The following GPC6 variants were observed in gnomAD, a reference collection of about 807,000 sequenced individuals.
GPC6 encodes glypican 6, also known as glypican-6.
A neutral mutation model predicts 55.2 loss-of-function variants in GPC6; 14 were observed. The observed-to-expected ratio is 0.25, with a 90% CI of 0.17 to 0.40. The LOEUF (loss-of-function observed/expected upper bound fraction) is 0.40, where lower values mean the gene tolerates loss of function less well. GPC6 is among the 10% of genes least tolerant of loss of function. The pLI, the probability that GPC6 is intolerant of heterozygous loss-of-function variation, is 1.00. For synonymous variants in GPC6, 278 were observed against 259.6 expected, an observed-to-expected ratio of 1.07 and a Z score of -0.68; for missense variants, 641 against 708.5, an observed-to-expected ratio of 0.90 and a Z score of 1.08.
At chr13:93,220,638 A>C in the GPC6 span, among the ~76,000 whole-genome samples, 1 of 152,192 alleles carries the variant, frequency 6.6e-6, no homozygotes, top group South Asian at 2.1e-4. Flanking sequence ...AGTCAAAATG[A>C]AACTCTTCCT....
chr13:94,130,034 G>A (rs1354114220), intron 4 of GPC6, among the ~76,000 whole-genome samples: 6 of 151,966 alleles, frequency 3.9e-5, no homozygotes, highest in African/African-American at 7.2e-5. Flanking sequence ...GTTCTGTTTC[G>A]TGATGGAATC....
intron 2 of GPC6, among the ~76,000 whole-genome samples, chr13:93,819,078 TA>T (rs1886957556): frequency 6.6e-6 from 1 of 152,172 alleles, no homozygotes; most frequent in South Asian, 2.1e-4. Flanking sequence ...TAAAGATTTT[TA>T]AAAGTGATTT....
intron 3 of GPC6, among the ~76,000 whole-genome samples, chr13:94,021,744 C>G (rs1005583803): frequency 1.3e-5 from 2 of 151,940 alleles, no homozygotes; most frequent in Middle Eastern, 3.2e-3. Context: ...GACTAGTAAA[C>G]TGTAATATCA....
chr13:93,311,731 A>T (rs1242431535), intron 1 of GPC6, among the ~76,000 whole-genome samples: 2 of 152,196 alleles, frequency 1.3e-5, no homozygotes, highest in Non-Finnish European at 1.5e-5. Context: ...ATGCAGTGCC[A>T]GTTTTCTGTC....
intron 4 of GPC6, among the ~76,000 whole-genome samples, chr13:94,181,048 G>A (rs964043273): frequency 2.0e-5 from 3 of 152,164 alleles, no homozygotes; most frequent in African/African-American, 7.2e-5. Context: ...AACAAAACCT[G>A]CAGTTTGGCA....
intron 1 of GPC6, among the ~76,000 whole-genome samples, chr13:93,348,390 A>G (rs1220472238): frequency 6.6e-6 from 1 of 152,354 alleles, no homozygotes; most frequent in East Asian, 1.9e-4. Context: ...TTGCAATTAC[A>G]TAATCATTGT....
At chr13:94,029,902 A>T (rs1293772414) in intron 4 of GPC6, among the ~76,000 whole-genome samples, 1 of 152,218 alleles carries the variant, frequency 6.6e-6, no homozygotes, top group Non-Finnish European at 1.5e-5. Context: ...CTGGATTCAA[A>T]ACTAAAATTT....
At chr13:94,116,102 T>C (rs558850571) in intron 4 of GPC6, among the ~76,000 whole-genome samples, 1 of 152,242 alleles carries the variant, frequency 6.6e-6, no homozygotes, top group Admixed American at 6.5e-5. Context: ...AATTTAGTTA[T>C]AATTTAGTAA....
chr13:93,453,456 A>T (rs1485838550), intron 1 of GPC6, among the ~76,000 whole-genome samples: 2 of 151,752 alleles, frequency 1.3e-5, no homozygotes, highest in Non-Finnish European at 2.9e-5. Context: ...GTTTATGTAA[A>T]TCTCATAAGT....
intron 2 of GPC6, among the ~76,000 whole-genome samples, chr13:93,729,715 G>A (rs1218906519): frequency 6.6e-6 from 1 of 152,104 alleles, no homozygotes; most frequent in East Asian, 1.9e-4. Flanking sequence ...CCTAGTTCTA[G>A]ATATATACTC....
chr13:94,082,389 C>A (rs1885132386), intron 4 of GPC6, among the ~76,000 whole-genome samples: 1 of 152,150 alleles, frequency 6.6e-6, no homozygotes, highest in Middle Eastern at 3.2e-3. Context: ...TGTTTTCAAT[C>A]CAAACTTATT....
At chr13:93,737,710 C>T (rs1034273725) in intron 2 of GPC6, among the ~76,000 whole-genome samples, 1 of 151,908 alleles carries the variant, frequency 6.6e-6, no homozygotes, top group African/African-American at 2.4e-5. Flanking sequence ...AGTAGGTGAA[C>T]AAATATAATT....
chr13:93,593,757 A>C (rs1357239146), intron 2 of GPC6, among the ~76,000 whole-genome samples: 2 of 152,188 alleles, frequency 1.3e-5, no homozygotes, highest in Non-Finnish European at 2.9e-5. Context: ...GCCATGTTAA[A>C]AATATCAAAA....
intron 1 of GPC6, among the ~76,000 whole-genome samples, chr13:93,273,799 T>C (rs1877631947): frequency 6.6e-6 from 1 of 152,086 alleles, no homozygotes; most frequent in South Asian, 2.1e-4. Context: ...TTTTTATTTT[T>C]TATTTTTTTA....
At chr13:93,539,831 A>C (rs545487250) in intron 1 of GPC6, among the ~76,000 whole-genome samples, 1 of 151,916 alleles carries the variant, frequency 6.6e-6, no homozygotes, top group East Asian at 2.0e-4. Context: ...AGCTGGGATT[A>C]CAAGCATGCG....
intron 1 of GPC6, among the ~76,000 whole-genome samples, chr13:93,434,231 G>A (rs1424345314): frequency 1.3e-5 from 2 of 152,146 alleles, no homozygotes; most frequent in Non-Finnish European, 2.9e-5. Flanking sequence ...CAGATCAATA[G>A]AAATGCCACA....
At chr13:93,412,019 T>C (rs1876518550) in intron 1 of GPC6, among the ~76,000 whole-genome samples, 1 of 150,250 alleles carries the variant, frequency 6.7e-6, no homozygotes, top group East Asian at 2.0e-4. Context: ...AAAAAATAAA[T>C]AAAATAAAAA....
intron 3 of GPC6, among the ~76,000 whole-genome samples, chr13:93,933,061 G>A (rs1878264832): frequency 7.3e-6 from 1 of 136,650 alleles, no homozygotes; most frequent in Admixed American, 8.1e-5. Context: ...TACAATCCTT[G>A]ACTCATGGCC....
chr13:94,097,506 C>CAAAAAAAA (rs869307863), intron 4 of GPC6, among the ~76,000 whole-genome samples: 9 of 70,256 alleles, frequency 1.3e-4, no homozygotes, highest in African/African-American at 4.3e-4. Flanking sequence ...GACTCTGTCT[C>CAAAAAAAA]AAAAAAAAAA....
Sources: gnomAD v4.1 joint callset for allele counts (sites outside exome capture counted in the v4.1 genomes callset) on GRCh38, gnomAD v4.1.1 for gene constraint, MANE v1.5 for transcripts, NCBI Gene and HGNC (gene_info 2026-07-23, HGNC 2026-07-21) for gene names.